Variants in NXPE4 observed in about 807,000 individuals in gnomAD.
NXPE4 encodes neurexophilin and PC-esterase domain family member 4.
Under a neutral mutation model 33.3 loss-of-function variants are expected in NXPE4, and 42 were observed. The ratio of observed to expected loss-of-function variants is 1.26; its 90% CI spans 0.98 to 1.63. The LOEUF is 1.63. Among genes scored for constraint, NXPE4 ranks in the 40% most tolerant of loss-of-function variants. The pLI, the probability that NXPE4 is intolerant of heterozygous loss-of-function variation, is 0.00. For missense variants in NXPE4, 709 were observed against 647.6 expected (o/e 1.09, Z -1.03); for synonymous variants, 253 against 234.9 (o/e 1.08, Z -0.71).
chr11:114,663,684 A>ATCTATCTG, the NXPE4 span, among the ~76,000 whole-genome samples: 1 of 146,076 alleles, frequency 6.8e-6, no homozygotes, highest in South Asian at 2.1e-4. Flanking sequence ...CTATTTATCT[A>ATCTATCTG]TCTATCTATC....
chr11:114,581,991 T>G (rs1264315876), intron 3 of NXPE4, among the ~76,000 whole-genome samples: 1 of 152,230 alleles, frequency 6.6e-6, no homozygotes, highest in African/African-American at 2.4e-5. Flanking sequence ...GAGAATTTGT[T>G]GAGTTGCAGA....
At chr11:114,583,992 A>G (rs1454133277) in intron 2 of NXPE4, 3 of 370,436 alleles carry the variant, frequency 8.1e-6, no homozygotes, top group African/African-American at 2.1e-5. Flanking sequence ...GTCATGTCCA[A>G]AGTAATAGAG....
At chr11:114,584,928 A>G (rs1212981887) in intron 2 of NXPE4, among the ~76,000 whole-genome samples, 1 of 152,136 alleles carries the variant, frequency 6.6e-6, no homozygotes, top group Non-Finnish European at 1.5e-5. Context: ...TCTGAAGCAT[A>G]AAAGGCGCCA....
At chr11:114,661,176 C>A in the NXPE4 span, among the ~76,000 whole-genome samples, 1 of 152,048 alleles carries the variant, frequency 6.6e-6, no homozygotes, top group Admixed American at 6.6e-5. Flanking sequence ...TTAGTTCTCC[C>A]AAAATTGATC....
At chr11:114,601,043 C>T in the NXPE4 span, among the ~76,000 whole-genome samples, 1 of 151,890 alleles carries the variant, frequency 6.6e-6, no homozygotes, top group Non-Finnish European at 1.5e-5. Flanking sequence ...GCCATCTGTA[C>T]AAGTTTTAAT....
At chr11:114,640,090 T>C in the NXPE4 span, among the ~76,000 whole-genome samples, 2 of 92,546 alleles carry the variant, frequency 2.2e-5, no homozygotes, top group Non-Finnish European at 4.3e-5. Flanking sequence ...TATAATGTAA[T>C]ATAATATATG....
chr11:114,671,886 T>C, the NXPE4 span, among the ~76,000 whole-genome samples: 1 of 152,170 alleles, frequency 6.6e-6, no homozygotes, highest in South Asian at 2.1e-4. Context: ...CTCACACTGC[T>C]ATAAAGACAT....
chr11:114,631,040 A>G, the NXPE4 span, among the ~76,000 whole-genome samples: 1 of 151,830 alleles, frequency 6.6e-6, no homozygotes, highest in East Asian at 1.9e-4. Flanking sequence ...GCTGGAGAGG[A>G]TGTGGAGAAA....
chr11:114,614,213 T>C, the NXPE4 span, among the ~76,000 whole-genome samples: 1 of 151,790 alleles, frequency 6.6e-6, no homozygotes, highest in Non-Finnish European at 1.5e-5. Flanking sequence ...TGTTAATGGA[T>C]AATAAGTGTT....
At chr11:114,652,047 G>A in the NXPE4 span, among the ~76,000 whole-genome samples, 7 of 152,188 alleles carry the variant, frequency 4.6e-5, no homozygotes, top group African/African-American at 1.7e-4. Flanking sequence ...TTACCCAACT[G>A]ATAAAGCTAT....
intron 2 of NXPE4, among the ~76,000 whole-genome samples, chr11:114,591,347 A>C (rs1949448849): frequency 6.6e-6 from 1 of 152,206 alleles, no homozygotes; most frequent in African/African-American, 2.4e-5. Context: ...ACTACTAATG[A>C]ATCTACTATA....
At chr11:114,573,097 G>A (rs1948926214) in intron 5 of NXPE4, among the ~76,000 whole-genome samples, 1 of 152,068 alleles carries the variant, frequency 6.6e-6, no homozygotes, top group South Asian at 2.1e-4. Flanking sequence ...CAAGAATTTT[G>A]TATCCAGCAA....
At chr11:114,642,609 C>T in the NXPE4 span, among the ~76,000 whole-genome samples, 3 of 152,072 alleles carry the variant, frequency 2.0e-5, no homozygotes, top group Non-Finnish European at 4.4e-5. Flanking sequence ...CTTTTGATGG[C>T]TGCATGGTAT....
rs779412263 is a variant in NXPE4, at chr11:114,580,133, G to A, written c.1098C>T (p.Asn366=). The change falls in exon 5 of 6, where the codon AAC becomes AAT. Residue 366 remains asparagine, a splice_region_variant and synonymous_variant. Coordinates refer to ENST00000375478, the MANE Select transcript of NXPE4 (RefSeq NM_001077639.2). ...ATTATAGCTTAGACTGAGGCATACT[G>A]TTGATACTGGCTTTGAAGTATTCCA... ...QWMEYFKASI[N]TLKSVDLHES... is the part of the protein sequence containing the mutation. 2 of 1,611,822 alleles carry A rather than the reference G, an allele frequency of 1.2e-6. No homozygotes were observed. Among genetic ancestry groups the A allele is most frequent in the African/African-American group, 2.7e-5 (2 of 75,012 alleles).
chr11:114,633,897 A>G, the NXPE4 span, among the ~76,000 whole-genome samples: 1 of 151,968 alleles, frequency 6.6e-6, no homozygotes, highest in Non-Finnish European at 1.5e-5. Flanking sequence ...CAAGTCTGCT[A>G]TTGTGAGTAG....
the NXPE4 span, among the ~76,000 whole-genome samples, chr11:114,608,740 G>A: frequency 2.0e-4 from 31 of 151,830 alleles, no homozygotes; most frequent in African/African-American, 7.2e-4. Flanking sequence ...GGTAACCACT[G>A]TTACCCAATG....
intron 2 of NXPE4, among the ~76,000 whole-genome samples, chr11:114,585,618 T>A (rs1006101479): frequency 6.6e-6 from 1 of 152,048 alleles, no homozygotes; most frequent in Non-Finnish European, 1.5e-5. Flanking sequence ...TGTATATATA[T>A]GTATATACAT....
upstream of NXPE4, among the ~76,000 whole-genome samples, chr11:114,596,122 C>T (rs1408810327): frequency 1.3e-5 from 2 of 152,028 alleles, no homozygotes; most frequent in African/African-American, 4.8e-5. Context: ...TCATCAAGAC[C>T]CAGTTGGCAG....
the NXPE4 span, among the ~76,000 whole-genome samples, chr11:114,647,840 T>G: frequency 6.6e-6 from 1 of 151,996 alleles, no homozygotes. Flanking sequence ...TAGCTAAGAT[T>G]ACAGGTGCCT....
Sources: gnomAD v4.1 joint callset for allele counts (sites outside exome capture counted in the v4.1 genomes callset) on GRCh38, gnomAD v4.1.1 for gene constraint, MANE v1.5 for transcripts, NCBI Gene and HGNC (gene_info 2026-07-23, HGNC 2026-07-21) for gene names.